The following MAP3K2 variants were observed in gnomAD, a reference collection of about 807,000 sequenced individuals.
MAP3K2 encodes the protein mitogen-activated protein kinase kinase kinase 2.
Under a neutral mutation model 80.3 loss-of-function variants are expected in MAP3K2, and 24 were observed. That is an observed-to-expected ratio of 0.30 (90% CI 0.22 to 0.42). MAP3K2 has a LOEUF of 0.42. MAP3K2 is among the 10% of genes least tolerant of loss of function. The pLI, the probability that MAP3K2 is intolerant of heterozygous loss-of-function variation, is 1.00. For synonymous variants in MAP3K2, 244 were observed against 253.7 expected (o/e 0.96, Z 0.36); for missense variants, 608 against 750.1 (o/e 0.81, Z 2.21).
chr2:127,346,999 A>C (rs1686608091), intron 1 of MAP3K2, among the ~76,000 whole-genome samples: 1 of 152,136 alleles, frequency 6.6e-6, no homozygotes, highest in Non-Finnish European at 1.5e-5. Context: ...TCAAGGAAAA[A>C]AAGAAAAAAA....
At chr2:127,319,650 CAAAAAAAAAAAAAAAA>C (rs57472022) in intron 12 of MAP3K2, among the ~76,000 whole-genome samples, 6 of 71,836 alleles carry the variant, frequency 8.4e-5, no homozygotes, top group East Asian at 8.8e-4. Flanking sequence ...ACTAAAAATA[CAAAAAAAAAAAAAAAA>C]AAAAAAAAAA....
At chr2:127,387,056 AAAGAG>A (rs1288143965) in intron 1 of MAP3K2, among the ~76,000 whole-genome samples, 1 of 152,124 alleles carries the variant, frequency 6.6e-6, no homozygotes, top group African/African-American at 2.4e-5. Context: ...AATATTCCGT[AAAGAG>A]AAAAGGGGGA....
chr2:127,361,159 A>G (rs934536454), intron 1 of MAP3K2, among the ~76,000 whole-genome samples: 14 of 151,988 alleles, frequency 9.2e-5, no homozygotes, highest in Admixed American at 2.6e-4. Flanking sequence ...TAAAAATACA[A>G]AAAATTAGCT....
chr2:127,346,085 T>C (rs540734472), intron 1 of MAP3K2, among the ~76,000 whole-genome samples: 2 of 149,796 alleles, frequency 1.3e-5, no homozygotes, highest in South Asian at 2.1e-4. Flanking sequence ...TAACAAACTT[T>C]TAGCTAATCA....
chr2:127,317,996 T>C (rs1315316166), intron 13 of MAP3K2, among the ~76,000 whole-genome samples, 173 bp downstream of exon 13: 5 of 147,890 alleles, frequency 3.4e-5, no homozygotes, highest in African/African-American at 4.9e-5. Flanking sequence ...TATTAAAAAA[T>C]AGACAAACAT....
At chr2:127,316,510 A>C (rs931050927) in intron 14 of MAP3K2, among the ~76,000 whole-genome samples, 1 of 152,244 alleles carries the variant, frequency 6.6e-6, no homozygotes, top group African/African-American at 2.4e-5. Context: ...ATAACTCCTA[A>C]TGAAATTATA....
intron 15 of MAP3K2, among the ~76,000 whole-genome samples, chr2:127,314,102 C>A (rs551334453): frequency 6.6e-6 from 1 of 152,310 alleles, no homozygotes; most frequent in East Asian, 1.9e-4. Flanking sequence ...CCTATCCCCA[C>A]CACTTGCTTT....
intron 1 of MAP3K2, among the ~76,000 whole-genome samples, chr2:127,357,956 T>TA (rs1485579576): frequency 1.3e-5 from 2 of 151,922 alleles, no homozygotes; most frequent in East Asian, 3.9e-4. Flanking sequence ...GTACATATCT[T>TA]AAAAGAAAAA....
intron 5 of MAP3K2, among the ~76,000 whole-genome samples, chr2:127,334,824 G>A (rs550913112): frequency 1.3e-5 from 2 of 148,752 alleles, no homozygotes; most frequent in Admixed American, 1.3e-4. Context: ...AGGCTGGAGT[G>A]TAGTGACGCG....
rs10558890 is a variant in MAP3K2 at position 127,365,116 on chromosome 2, C to CAAAAAAAAAAAAAAA, written c.-65-21937_-65-21923dup. Among the ~76,000 whole-genome samples, 27 of 31,654 alleles carry CAAAAAAAAAAAAAAA rather than the reference C, an allele frequency of 8.5e-4. 8 individuals are homozygous for CAAAAAAAAAAAAAAA. The highest frequency in any genetic ancestry group is 1.4e-3 in the Admixed American group (3 of 2,150). The allele number at this position is 31,654 out of a possible 152,430, so 20.8% of individuals were successfully genotyped here. The stretch of plus-strand genomic sequence containing the variant: ...TGGGCGACAGAGTGAGACTCTGCCT[C>CAAAAAAAAAAAAAAA]AAAAAAAAAAAAAAAAAAAAAAAAA... On this transcript the variant is annotated intron_variant, in intron 1 of 16. Coordinates refer to ENST00000682094, the MANE Select transcript of MAP3K2 (RefSeq NM_001371910.2).
intron 7 of MAP3K2, among the ~76,000 whole-genome samples, chr2:127,328,206 C>A (rs909226416): frequency 6.6e-6 from 1 of 152,198 alleles, no homozygotes; most frequent in Non-Finnish European, 1.5e-5. Context: ...ACCCAGGAGG[C>A]AGCGGTTACA....
At chr2:127,368,679 G>C (rs1238581718) in intron 1 of MAP3K2, among the ~76,000 whole-genome samples, 1 of 151,928 alleles carries the variant, frequency 6.6e-6, no homozygotes, top group Non-Finnish European at 1.5e-5. Flanking sequence ...TATAAACTAT[G>C]CATATCCTCC....
At chr2:127,346,762 C>T (rs1365779236) in intron 1 of MAP3K2, among the ~76,000 whole-genome samples, 3 of 151,868 alleles carry the variant, frequency 2.0e-5, no homozygotes, top group Admixed American at 6.6e-5. Context: ...CTGAGGCAGG[C>T]GGATCACCTG....
chr2:127,371,724 A>G (rs1457365678), intron 1 of MAP3K2, among the ~76,000 whole-genome samples: 1 of 152,174 alleles, frequency 6.6e-6, no homozygotes, highest in East Asian at 1.9e-4. Flanking sequence ...GGAAACCCAA[A>G]TTGTTTTCTA....
At chr2:127,336,717 T>C (rs941113479) in intron 4 of MAP3K2, among the ~76,000 whole-genome samples, 1 of 152,276 alleles carries the variant, frequency 6.6e-6, no homozygotes, top group African/African-American at 2.4e-5. Context: ...CCATGGTTTA[T>C]CTGATATATT....
At chr2:127,328,869 CTCTT>C (rs1686196090) in intron 7 of MAP3K2, among the ~76,000 whole-genome samples, 1 of 152,112 alleles carries the variant, frequency 6.6e-6, no homozygotes, top group South Asian at 2.1e-4. Context: ...GTTTTTCCTC[CTCTT>C]TAACTTTTCT....
chr2:127,376,593 T>A (rs1027711792), intron 1 of MAP3K2, among the ~76,000 whole-genome samples: 1 of 152,144 alleles, frequency 6.6e-6, no homozygotes. Flanking sequence ...GCTGCTCCCA[T>A]GTGAGGTCCC....
At chr2:127,372,043 C>A (rs1040953191) in intron 1 of MAP3K2, among the ~76,000 whole-genome samples, 1 of 152,056 alleles carries the variant, frequency 6.6e-6, no homozygotes, top group African/African-American at 2.4e-5. Flanking sequence ...CTTACTCTGC[C>A]CCGATGAATT....
intron 2 of MAP3K2, 60 bp downstream of exon 2, chr2:127,343,066 T>C: frequency 7.1e-7 from 1 of 1,413,702 alleles, no homozygotes; most frequent in Non-Finnish European, 9.7e-7. Context: ...TAGAGAAAGT[T>C]TTTTCACTTC....
Sources: allele counts gnomAD v4.1 joint callset (sites outside exome capture counted in the v4.1 genomes callset), GRCh38; gene constraint gnomAD v4.1.1; transcripts MANE v1.5; gene names NCBI Gene and HGNC (gene_info 2026-07-23, HGNC 2026-07-21).